Variants in GRM7 observed in about 807,000 individuals in gnomAD.
The protein encoded by GRM7 is metabotropic glutamate receptor 7.
A neutral mutation model predicts 84.5 loss-of-function variants in GRM7; 35 were observed. The observed-to-expected ratio is 0.41, with a 90% CI of 0.32 to 0.55. GRM7 has a LOEUF of 0.55. GRM7 is among the 20% of genes least tolerant of loss of function. GRM7 has a pLI of 0.19. For synonymous variants in GRM7, 487 were observed against 455.1 expected (o/e 1.07, Z -0.89); for missense variants, 1,003 against 1,194.6 (o/e 0.84, Z 2.36).
At chr3:7,329,234 G>A (rs759946140) in intron 4 of GRM7, among the ~76,000 whole-genome samples, 1 of 152,118 alleles carries the variant, frequency 6.6e-6, no homozygotes, top group Non-Finnish European at 1.5e-5. Flanking sequence ...GCTTCCAGGA[G>A]GAGAGAAACA....
chr3:7,452,003 C>T (rs1447644855), intron 5 of GRM7, among the ~76,000 whole-genome samples: 1 of 152,014 alleles, frequency 6.6e-6, no homozygotes, highest in Admixed American at 6.6e-5. Flanking sequence ...TGGTGGGAGG[C>T]ATAAAGAGGC....
intron 8 of GRM7, among the ~76,000 whole-genome samples, chr3:7,659,469 T>C (rs1699341046): frequency 8.5e-6 from 1 of 117,670 alleles, no homozygotes; most frequent in Non-Finnish European, 2.1e-5. Flanking sequence ...AGCAATCACA[T>C]ATGTAAATCA....
chr3:7,107,676 A>C (rs968481243), intron 1 of GRM7, among the ~76,000 whole-genome samples: 9 of 152,114 alleles, frequency 5.9e-5, no homozygotes, highest in African/African-American at 2.2e-4. Context: ...AGTTTAGTTC[A>C]TAATGTACTT....
chr3:6,947,477 G>A (rs541930796), intron 1 of GRM7, among the ~76,000 whole-genome samples: 2 of 152,198 alleles, frequency 1.3e-5, no homozygotes, highest in Non-Finnish European at 2.9e-5. Context: ...GAGGATTTTT[G>A]CATCAATGTT....
At chr3:7,107,372 T>TTTATG (rs1692693735) in intron 1 of GRM7, among the ~76,000 whole-genome samples, 1 of 152,094 alleles carries the variant, frequency 6.6e-6, no homozygotes, top group Non-Finnish European at 1.5e-5. Context: ...TTTTCTCAAG[T>TTTATG]GGTCCTGTCC....
In GRM7 at chr3:7,358,752, G is replaced by A. The variant is rs567650468; in HGVS notation, c.1033+52100G>A. Among the ~76,000 whole-genome samples the A allele has an allele frequency of 4.7e-4, 72 of 151,916 alleles. 8 individuals carry two copies. The highest frequency in any genetic ancestry group is 1.6e-3 in the African/African-American group (68 of 41,350). On this transcript the variant is annotated intron_variant, in intron 4 of 9. Transcript: ENST00000357716. ...TGAATACATATTATTTTTTATAGGTGACTGCCCCTTTTCATAATTTATTTT... is the reference window on the plus strand; with the variant it reads ...TGAATACATATTATTTTTTATAGGTAACTGCCCCTTTTCATAATTTATTTT...
intron 4 of GRM7, among the ~76,000 whole-genome samples, chr3:7,317,930 T>A (rs1038551547): frequency 6.6e-6 from 1 of 152,076 alleles, no homozygotes; most frequent in Non-Finnish European, 1.5e-5. Flanking sequence ...CTCTCTATTT[T>A]ATTCATGTAG....
At chr3:6,887,746 C>T (rs1046828360) in intron 1 of GRM7, among the ~76,000 whole-genome samples, 2 of 152,112 alleles carry the variant, frequency 1.3e-5, no homozygotes, top group Non-Finnish European at 2.9e-5. Context: ...GTATATACCC[C>T]GTACTGGGAT....
At chr3:7,040,970 C>A (rs545519890) in intron 1 of GRM7, among the ~76,000 whole-genome samples, 1 of 151,572 alleles carries the variant, frequency 6.6e-6, no homozygotes, top group African/African-American at 2.4e-5. Context: ...GTAGTCCCAG[C>A]TACTCAAGAG....
At chr3:7,183,441 A>T (rs1695411622) in intron 2 of GRM7, among the ~76,000 whole-genome samples, 1 of 152,152 alleles carries the variant, frequency 6.6e-6, no homozygotes, top group African/African-American at 2.4e-5. Flanking sequence ...AGCCGGGCTA[A>T]TGTGGTGAAA....
chr3:7,534,736 A>G (rs1399470895), intron 7 of GRM7, among the ~76,000 whole-genome samples: 2 of 152,198 alleles, frequency 1.3e-5, no homozygotes, highest in African/African-American at 2.4e-5. Flanking sequence ...ATCTTTACAG[A>G]GTATATATCT....
At chr3:7,411,071 A>G (rs1021116016) in intron 4 of GRM7, among the ~76,000 whole-genome samples, 5 of 151,928 alleles carry the variant, frequency 3.3e-5, no homozygotes, top group Non-Finnish European at 7.4e-5. Context: ...GTTCTTCTTC[A>G]CATCTCCTTC....
intron 1 of GRM7, among the ~76,000 whole-genome samples, chr3:7,039,584 A>C (rs1452185078): frequency 1.3e-5 from 2 of 152,174 alleles, no homozygotes; most frequent in Non-Finnish European, 2.9e-5. Context: ...TACATGTATA[A>C]TATTGGATAT....
chr3:7,196,984 T>C (rs1286119765), intron 2 of GRM7, among the ~76,000 whole-genome samples: 1 of 152,164 alleles, frequency 6.6e-6, no homozygotes, highest in Non-Finnish European at 1.5e-5. Context: ...AACACTTTAA[T>C]AGATGGTTTT....
intron 2 of GRM7, 76 bp from the exon 3 acceptor site, chr3:7,298,608 C>G (rs1699892905): frequency 5.6e-6 from 7 of 1,247,194 alleles, no homozygotes; most frequent in African/African-American, 1.5e-5. Flanking sequence ...AGAATCTCCT[C>G]CTCATCTACC....
intron 8 of GRM7, among the ~76,000 whole-genome samples, chr3:7,641,521 C>A (rs965885481): frequency 2.6e-5 from 4 of 152,100 alleles, no homozygotes; most frequent in Non-Finnish European, 5.9e-5. Context: ...ACAATACCAT[C>A]ACTTTGGGAA....
At chr3:6,889,209 T>C (rs1695831237) in intron 1 of GRM7, among the ~76,000 whole-genome samples, 3 of 152,126 alleles carry the variant, frequency 2.0e-5, no homozygotes, top group Admixed American at 1.3e-4. Flanking sequence ...TTTTCCTAAT[T>C]GAATGCCCTT....
At chr3:7,024,536 A>G (rs1428422894) in intron 1 of GRM7, among the ~76,000 whole-genome samples, 1 of 152,244 alleles carries the variant, frequency 6.6e-6, no homozygotes, top group Admixed American at 6.5e-5. Flanking sequence ...ATTTCTGGGC[A>G]CAGAGAGGTA....
At chr3:7,237,282 C>T (rs1291736928) in intron 2 of GRM7, among the ~76,000 whole-genome samples, 1 of 152,170 alleles carries the variant, frequency 6.6e-6, no homozygotes, top group Non-Finnish European at 1.5e-5. Context: ...AGCCCCTTAA[C>T]TTTAAGCAGT....
Sources: allele counts gnomAD v4.1 joint callset (sites outside exome capture counted in the v4.1 genomes callset), GRCh38; gene constraint gnomAD v4.1.1; transcripts MANE v1.5; gene names NCBI Gene and HGNC (gene_info 2026-07-23, HGNC 2026-07-21).